Variants in SFI1 observed in about 807,000 individuals in gnomAD.
SFI1 encodes the protein protein SFI1 homolog.
In SFI1, 195 loss-of-function variants were observed where a neutral mutation model predicts 207.5. The ratio of observed to expected loss-of-function variants is 0.94; its 90% confidence interval spans 0.84 to 1.06. The LOEUF (loss-of-function observed/expected upper bound fraction) is 1.06, where lower values mean the gene tolerates loss of function less well. Among genes scored for constraint, SFI1 ranks in the 50% least tolerant of loss-of-function variants. The pLI is 0.00. For missense variants in SFI1, 1,634 were observed against 1,588.0 expected, an observed-to-expected ratio of 1.03 and a Z score of -0.49; for synonymous variants, 630 against 598.9, an observed-to-expected ratio of 1.05 and a Z score of -0.76.
chr22:31,566,167 C>T (rs570212435), intron 8 of SFI1, among the ~76,000 whole-genome samples: 1 of 149,344 alleles, frequency 6.7e-6, no homozygotes, highest in African/African-American at 2.5e-5. Context: ...AATCTCAGCT[C>T]ACTGCAATCT....
chr22:31,618,284 T>C (rs1222053162), intron 32 of SFI1, 30 bp from the exon 33 acceptor site: 1 of 1,605,364 alleles, frequency 6.2e-7, no homozygotes, highest in South Asian at 1.1e-5. Flanking sequence ...GTGCTCCCTC[T>C]CAGCCCTGCC....
At chr22:31,549,118 CT>C (rs747855674) in intron 5 of SFI1, among the ~76,000 whole-genome samples, 2 of 151,212 alleles carry the variant, frequency 1.3e-5, no homozygotes, top group Non-Finnish European at 2.9e-5. Flanking sequence ...CAAAATCCCC[CT>C]CTACAAAAAA....
intron 12 of SFI1, among the ~76,000 whole-genome samples, chr22:31,582,237 T>TATATA (rs1168966383): frequency 1.5e-4 from 3 of 19,912 alleles, no homozygotes; most frequent in African/African-American, 4.0e-4. Context: ...TATATATATA[T>TATATA]TTTTTTTTTT....
chr22:31,575,812 G>A (rs1032446578), intron 10 of SFI1, among the ~76,000 whole-genome samples: 2 of 152,130 alleles, frequency 1.3e-5, no homozygotes, highest in Admixed American at 6.6e-5. Context: ...TACCATCACC[G>A]TGATCATAGT....
intron 1 of SFI1, among the ~76,000 whole-genome samples, chr22:31,500,309 T>G (rs2053525113): frequency 6.7e-6 from 1 of 149,924 alleles, no homozygotes; most frequent in Non-Finnish European, 1.5e-5. Context: ...AAAAATAAAT[T>G]GCCATAGCCA....
chr22:31,606,346 G>T lies in SFI1; in HGVS notation c.2073G>T (p.Trp691Cys), dbSNP rs2068969023. The T allele has an allele frequency of 1.9e-6, 3 of 1,613,808 alleles. No individual in the cohort carries two copies. Among genetic ancestry groups the T allele is most frequent in the Middle Eastern group, 1.7e-4 (1 of 6,060 alleles). The change falls in exon 21 of 33, where the codon TGG becomes TGT. Residue 691 changes from tryptophan (W) to cysteine (C), a missense_variant. Coordinates refer to ENST00000400288, the MANE Select transcript of SFI1 (RefSeq NM_001007467.3). ...RQLLRGALRR[W>C]KENTMARVDE... is the part of the protein sequence containing the mutation. ...TCTGCAGCGGGGCATTACGTCGCTG[G>T]AAAGAGAACACCATGGCCCGAGTGG...
intron 9 of SFI1, 86 bp from the exon 10 acceptor site, chr22:31,575,145 C>T: frequency 1.6e-6 from 2 of 1,225,524 alleles, no homozygotes; most frequent in Non-Finnish European, 2.2e-6. Flanking sequence ...TGCTCTCTGC[C>T]AGTAGTGGGG....
chr22:31,525,982 T>C (rs5749293), intron 2 of SFI1, among the ~76,000 whole-genome samples: 12,753 of 152,190 alleles, frequency 0.084, 906 homozygotes, highest in East Asian at 0.37. Context: ...GTTTTTCCTA[T>C]TTATGTGAAG....
chr22:31,529,892 C>G (rs2058297250), intron 3 of SFI1, among the ~76,000 whole-genome samples: 1 of 151,856 alleles, frequency 6.6e-6, no homozygotes, highest in South Asian at 2.1e-4. Context: ...CACCTTTGGC[C>G]GGGTATGGTG....
At chr22:31,591,508 C>T (rs1201496798) in intron 15 of SFI1, among the ~76,000 whole-genome samples, 7 of 150,868 alleles carry the variant, frequency 4.6e-5, no homozygotes, top group Admixed American at 6.6e-5. Flanking sequence ...GGGTGGTGGC[C>T]GGGCAGAGGG....
At chr22:31,584,019 T>A (rs375632336) in intron 13 of SFI1, 47 bp downstream of exon 13, 1 of 1,489,446 alleles carries the variant, frequency 6.7e-7, no homozygotes, top group African/African-American at 1.4e-5. Context: ...TTTGTGCCTC[T>A]GACTTACTGT....
intron 2 of SFI1, among the ~76,000 whole-genome samples, chr22:31,509,534 G>T (rs2055177001): frequency 6.6e-6 from 1 of 152,186 alleles, no homozygotes; most frequent in South Asian, 2.1e-4. Context: ...CCTACCTTCT[G>T]CCTGCTTTTC....
intron 6 of SFI1, among the ~76,000 whole-genome samples, chr22:31,554,423 C>T (rs1043886465): frequency 5.9e-5 from 9 of 152,060 alleles, no homozygotes; most frequent in African/African-American, 2.2e-4. Flanking sequence ...ATTCTCCTAC[C>T]TCAGCCTCCC....
intron 12 of SFI1, among the ~76,000 whole-genome samples, chr22:31,582,207 T>C (rs1246287646): frequency 1.8e-4 from 1 of 5,414 alleles, no homozygotes; most frequent in Non-Finnish European, 4.9e-4. Flanking sequence ...TATTACATTT[T>C]ATATATATAT....
chr22:31,575,092 GTGTGT>G, intron 9 of SFI1, 134 bp from the exon 10 acceptor site: 4 of 205,460 alleles, frequency 1.9e-5, no homozygotes, highest in East Asian at 1.7e-4. Context: ...GTGCGTGTGT[GTGTGT>G]GTGTGTGTGT....
rs757460080 is a variant in SFI1, at chr22:31,585,093, G to C, written c.1372G>C (p.Glu458Gln). 5.6e-6 allele frequency: 9 copies of C among 1,613,830 alleles called. No homozygotes were observed. The highest frequency in any genetic ancestry group is 3.3e-4 in the Middle Eastern group (2 of 6,084). Residue 458 changes from glutamate (E) to glutamine (Q), a missense_variant, in exon 14 of 33, where the codon GAA becomes CAA. Physicochemically the swap from Glu to Gln is conservative, Grantham distance 29. Coordinates refer to ENST00000400288, the MANE Select transcript of SFI1 (RefSeq NM_001007467.3). ...YRIALLCKCI[E>Q]LWLQYTQKRR... ...AATAGCACTGCTGTGCAAATGTATC[G>C]AATTGTGGCTACAGTATACTCAGAA...
chr22:31,576,207 TAG>T (rs2063475153), intron 10 of SFI1, among the ~76,000 whole-genome samples: 1 of 152,064 alleles, frequency 6.6e-6, no homozygotes, highest in Non-Finnish European at 1.5e-5. Flanking sequence ...GTATTTTTAG[TAG>T]AGACGGGGTT....
At chr22:31,503,157 GGACA>G (rs901591044) in intron 1 of SFI1, among the ~76,000 whole-genome samples, 1 of 151,998 alleles carries the variant, frequency 6.6e-6, no homozygotes, top group African/African-American at 2.4e-5. Context: ...GGTAATCTAG[GGACA>G]AGTCTGCTTT....
Position 31,602,716 on chromosome 22 carries a change from A to C in SFI1, c.1736A>C (p.His579Pro), listed in dbSNP as rs1603310320. 6.2e-7 allele frequency: 1 copy of C among 1,607,096 alleles called. No individual in the cohort carries two copies. Among genetic ancestry groups the C allele is most frequent in the East Asian group, 2.2e-5 (1 of 44,882 alleles). ...EQEWQTVACA[H>P]HRHGRLKKAF... ...GAGTGGCAAACAGTGGCCTGTGCCCACCACCGCCACGGGCGGCTCAAGAAA... is the reference window on the plus strand; with the variant it reads ...GAGTGGCAAACAGTGGCCTGTGCCCCCCACCGCCACGGGCGGCTCAAGAAA... Residue 579 changes from histidine (H) to proline (P), a missense_variant, in exon 17 of 33, where the codon CAC (histidine) becomes CCC (proline). Transcript: ENST00000400288.
Sources: gnomAD v4.1 joint callset for allele counts (sites outside exome capture counted in the v4.1 genomes callset) on GRCh38, gnomAD v4.1.1 for gene constraint, MANE v1.5 for transcripts, NCBI Gene and HGNC (gene_info 2026-07-23, HGNC 2026-07-21) for gene names.